DLGAP1: variants seen among roughly 807,000 people sequenced by gnomAD.
DLGAP1 encodes DLG associated protein 1, also known as disks large-associated protein 1.
In DLGAP1, 11 loss-of-function variants were observed where a neutral mutation model predicts 90.8. That is an observed-to-expected ratio of 0.12 (90% CI 0.08 to 0.20). The LOEUF (loss-of-function observed/expected upper bound fraction) is 0.20. Ranked by LOEUF, DLGAP1 falls within the 10% of genes least tolerant of loss-of-function variation. The pLI, the probability that DLGAP1 is intolerant of heterozygous loss-of-function variation, is 1.00. For synonymous variants in DLGAP1, 558 were observed against 540.7 expected, an observed-to-expected ratio of 1.03 and a Z score of -0.44; for missense variants, 1,050 against 1,333.8, an observed-to-expected ratio of 0.79 and a Z score of 3.31.
intron 10 of DLGAP1, among the ~76,000 whole-genome samples, chr18:3,522,546 C>CTCTT (rs1358319208): frequency 1.7e-5 from 2 of 116,566 alleles, no homozygotes; most frequent in Non-Finnish European, 3.4e-5. Context: ...GCAGTCAACT[C>CTCTT]TTTTTTTTTT....
At chr18:4,219,908 T>A (rs1158447331) in intron 1 of DLGAP1, among the ~76,000 whole-genome samples, 1 of 152,132 alleles carries the variant, frequency 6.6e-6, no homozygotes, top group Non-Finnish European at 1.5e-5. Context: ...TGAAGTCAGG[T>A]AGTGTGATTC....
At chr18:3,614,434 C>CAT (rs1477530561) in intron 7 of DLGAP1, among the ~76,000 whole-genome samples, 1 of 152,122 alleles carries the variant, frequency 6.6e-6, no homozygotes, top group African/African-American at 2.4e-5. Flanking sequence ...GATCTCTAAT[C>CAT]ATAAATTGCA....
intron 2 of DLGAP1, among the ~76,000 whole-genome samples, chr18:4,098,365 TTTA>T (rs1023343610): frequency 1.3e-5 from 2 of 152,186 alleles, no homozygotes; most frequent in African/African-American, 4.8e-5. Context: ...TCAACAAATA[TTTA>T]TTATAAGTCA....
At chr18:4,109,897 G>GT (rs990544795) in intron 2 of DLGAP1, among the ~76,000 whole-genome samples, 287 of 151,348 alleles carry the variant, frequency 1.9e-3, no homozygotes, top group Middle Eastern at 0.014. Flanking sequence ...TTGTTTATTT[G>GT]TTTTTTGTGG....
At chr18:4,220,070 T>A (rs2078043364) in intron 1 of DLGAP1, among the ~76,000 whole-genome samples, 1 of 152,122 alleles carries the variant, frequency 6.6e-6, no homozygotes, top group East Asian at 1.9e-4. Flanking sequence ...TCACATTGGG[T>A]AGTGTGGGCA....
At chr18:4,224,968 C>A (rs1038002636) in intron 1 of DLGAP1, among the ~76,000 whole-genome samples, 1 of 152,040 alleles carries the variant, frequency 6.6e-6, no homozygotes, top group South Asian at 2.1e-4. Flanking sequence ...TGTCACTGCT[C>A]CCCCAGCTTC....
At chr18:3,909,038 T>C (rs1289659162) in intron 3 of DLGAP1, among the ~76,000 whole-genome samples, 1 of 152,318 alleles carries the variant, frequency 6.6e-6, no homozygotes, top group Non-Finnish European at 1.5e-5. Flanking sequence ...AATATGGTGG[T>C]GATATTTAGA....
chr18:3,550,899 G>A lies in DLGAP1; in HGVS notation c.2058-16284C>T, dbSNP rs564215103. 9.9e-5 allele frequency among the ~76,000 whole-genome samples: 15 copies of A among 151,724 alleles called. No homozygotes were observed. In the East Asian group the frequency reaches 2.3e-3, roughly 24 times the overall value. On this transcript the variant is annotated intron_variant, in intron 9 of 12. Transcript: ENST00000315677. The stretch of plus-strand genomic sequence containing the variant: ...TAGGATTACAGGGGCCCACCACCAC[G>A]CCTGGCTAATTTTTGTATTTTTAGT...
chr18:4,260,749 T>C (rs968272162), intron 1 of DLGAP1, among the ~76,000 whole-genome samples: 3 of 152,158 alleles, frequency 2.0e-5, no homozygotes, highest in Non-Finnish European at 4.4e-5. Flanking sequence ...AAAAGGCAAA[T>C]TGGTGATTAT....
chr18:4,294,954 C>G (rs1202253069), intron 1 of DLGAP1: 1 of 152,534 alleles, frequency 6.6e-6, no homozygotes, highest in Non-Finnish European at 1.5e-5. Context: ...CTTCTTTCCT[C>G]TGCTGCATTG....
chr18:4,335,179 T>C (rs1420421313), intron 1 of DLGAP1, among the ~76,000 whole-genome samples: 1 of 152,010 alleles, frequency 6.6e-6, no homozygotes, highest in Admixed American at 6.5e-5. Context: ...AATAGGAGCA[T>C]ATTTCTTATG....
chr18:4,326,765 A>G (rs2080827238), intron 1 of DLGAP1, among the ~76,000 whole-genome samples: 1 of 152,112 alleles, frequency 6.6e-6, no homozygotes, highest in South Asian at 2.1e-4. Flanking sequence ...AAAAACAAAT[A>G]CTGCATGTTC....
intron 7 of DLGAP1, among the ~76,000 whole-genome samples, chr18:3,624,523 T>G (rs1363027687): frequency 6.6e-6 from 1 of 152,184 alleles, no homozygotes; most frequent in Non-Finnish European, 1.5e-5. Context: ...TGCTGGCAGC[T>G]CATTTCTGCC....
chr18:4,421,725 G>T (rs1387953077), intron 1 of DLGAP1, among the ~76,000 whole-genome samples: 1 of 151,890 alleles, frequency 6.6e-6, no homozygotes, highest in Non-Finnish European at 1.5e-5. Context: ...TTTATTTTTT[G>T]GGGGATGGAG....
chr18:3,532,409 G>A (rs1273491459), intron 10 of DLGAP1, among the ~76,000 whole-genome samples: 3 of 151,698 alleles, frequency 2.0e-5, no homozygotes, highest in Non-Finnish European at 4.4e-5. Context: ...GTGAAACCCC[G>A]TCTCTACTAA....
chr18:3,797,274 C>T (rs899850267), intron 5 of DLGAP1, among the ~76,000 whole-genome samples: 6 of 151,450 alleles, frequency 4.0e-5, no homozygotes, highest in East Asian at 3.9e-4. Flanking sequence ...TGCAGTGAGC[C>T]GGGATCGCGC....
intron 1 of DLGAP1, among the ~76,000 whole-genome samples, chr18:4,190,581 T>A (rs1029276135): frequency 6.6e-5 from 10 of 152,146 alleles, no homozygotes; most frequent in Non-Finnish European, 8.8e-5. Flanking sequence ...CGTACCTTAC[T>A]AATGCAAGAT....
chr18:3,772,172 C>CCTTCCTTCCTTT (rs139069395), intron 5 of DLGAP1, among the ~76,000 whole-genome samples: 1 of 145,316 alleles, frequency 6.9e-6, no homozygotes, highest in South Asian at 2.2e-4. Context: ...TTCTCTCCTT[C>CCTTCCTTCCTTT]CTTTCTCTCC....
intron 1 of DLGAP1, among the ~76,000 whole-genome samples, chr18:4,211,316 C>T (rs1028850402): frequency 9.2e-5 from 14 of 152,130 alleles, no homozygotes; most frequent in East Asian, 1.9e-4. Flanking sequence ...TTCTTCATAA[C>T]GCCTAAGTAC....
Sources: allele counts gnomAD v4.1 joint callset (sites outside exome capture counted in the v4.1 genomes callset), GRCh38; gene constraint gnomAD v4.1.1; transcripts MANE v1.5; gene names NCBI Gene and HGNC (gene_info 2026-07-23, HGNC 2026-07-21).